The following GMDS variants were observed in gnomAD, a reference collection of about 807,000 sequenced individuals.
GMDS encodes the protein GDP-mannose 4,6 dehydratase.
A neutral mutation model predicts 49.9 loss-of-function variants in GMDS; 20 were observed. That is an observed-to-expected ratio of 0.40 (90% CI 0.28 to 0.58). GMDS has a LOEUF of 0.58. Among genes scored for constraint, GMDS ranks in the 20% least tolerant of loss-of-function variants. GMDS has a pLI of 0.42. For missense variants in GMDS, 362 were observed against 481.4 expected (o/e 0.75, Z 2.32); for synonymous variants, 177 against 178.6 (o/e 0.99, Z 0.07).
intron 7 of GMDS, among the ~76,000 whole-genome samples, chr6:1,826,214 T>G (rs1416304698): frequency 2.6e-5 from 4 of 152,114 alleles, no homozygotes; most frequent in Non-Finnish European, 4.4e-5. Context: ...ATAAGGTAAT[T>G]GTGCTATGAT....
chr6:1,972,053 G>C (rs1274032549), intron 4 of GMDS, among the ~76,000 whole-genome samples: 4 of 152,064 alleles, frequency 2.6e-5, no homozygotes, highest in Admixed American at 2.6e-4. Flanking sequence ...AAAATGTTGA[G>C]TTCTGCACCC....
At chr6:1,999,520 C>T (rs555970407) in intron 4 of GMDS, among the ~76,000 whole-genome samples, 1 of 151,738 alleles carries the variant, frequency 6.6e-6, no homozygotes, top group East Asian at 1.9e-4. Flanking sequence ...GATACAGTGG[C>T]ATGAAGATTT....
chr6:1,689,364 T>C (rs1765092778), intron 9 of GMDS, among the ~76,000 whole-genome samples: 1 of 152,212 alleles, frequency 6.6e-6, no homozygotes, highest in South Asian at 2.1e-4. Context: ...AAGCTTTCAC[T>C]AGCATTATAA....
At chr6:2,012,357 A>G (rs1767614825) in intron 4 of GMDS, among the ~76,000 whole-genome samples, 1 of 152,238 alleles carries the variant, frequency 6.6e-6, no homozygotes, top group Non-Finnish European at 1.5e-5. Flanking sequence ...AGATTTTCAC[A>G]CTAGATAAAA....
intron 1 of GMDS, among the ~76,000 whole-genome samples, chr6:2,149,572 G>A (rs1199147409): frequency 6.6e-6 from 1 of 152,178 alleles, no homozygotes; most frequent in Non-Finnish European, 1.5e-5. Flanking sequence ...AACACAGGCA[G>A]TAATGGAGCT....
intron 4 of GMDS, among the ~76,000 whole-genome samples, chr6:2,055,843 CTAT>C (rs1428469076): frequency 6.6e-6 from 1 of 152,070 alleles, no homozygotes; most frequent in African/African-American, 2.4e-5. Context: ...AAAATACCTA[CTAT>C]GATTCCTGTT....
At chr6:2,111,165 C>A (rs1167597560) in intron 4 of GMDS, among the ~76,000 whole-genome samples, 1 of 152,192 alleles carries the variant, frequency 6.6e-6, no homozygotes, top group Non-Finnish European at 1.5e-5. Context: ...AACAATTAAG[C>A]AACACTATTA....
rs769746695 is a variant in GMDS, at chr6:1,638,095, C to T, written c.988-13555G>A. Among the ~76,000 whole-genome samples, 11 of 152,168 alleles carry T rather than the reference C, an allele frequency of 7.2e-5. No individual in the cohort carries two copies. In the East Asian group the frequency reaches 1.3e-3, roughly 19 times the overall value. ...GTAAAGAAAGCATTTGCCAACAACA[C>T]GGACAGAAGAGAGAGAATGTGCTTC... is the stretch of plus-strand genomic sequence containing the variant. On this transcript the variant is annotated intron_variant, in intron 9 of 10. Transcript: ENST00000380815.
intron 4 of GMDS, among the ~76,000 whole-genome samples, chr6:2,014,113 TCC>T (rs11315361): frequency 0.019 from 2,271 of 118,614 alleles, 63 homozygotes; most frequent in African/African-American, 0.028. Flanking sequence ...AACAAAATTA[TCC>T]CCCCCCCCCA....
chr6:1,661,197 C>A (rs573964247), intron 9 of GMDS, among the ~76,000 whole-genome samples: 2 of 152,140 alleles, frequency 1.3e-5, no homozygotes, highest in Non-Finnish European at 2.9e-5. Flanking sequence ...CTCACTGATA[C>A]CTTTTTCAAT....
chr6:2,192,437 AAC>A (rs1461731110), intron 1 of GMDS, among the ~76,000 whole-genome samples: 2 of 152,242 alleles, frequency 1.3e-5, no homozygotes, highest in Non-Finnish European at 2.9e-5. Flanking sequence ...AAAGAGCTGT[AAC>A]ACACACAGGG....
At chr6:1,693,694 C>A (rs540927814) in intron 9 of GMDS, among the ~76,000 whole-genome samples, 3 of 152,276 alleles carry the variant, frequency 2.0e-5, no homozygotes, top group African/African-American at 7.2e-5. Context: ...TCACTCAATG[C>A]GGCCATCAAC....
At chr6:2,095,684 T>C (rs1456945899) in intron 4 of GMDS, among the ~76,000 whole-genome samples, 2 of 152,232 alleles carry the variant, frequency 1.3e-5, no homozygotes. Flanking sequence ...GAGCACTTTA[T>C]TTTTAATCTC....
In GMDS at chr6:1,778,637, T is replaced by C. The variant is rs1768940869; in HGVS notation, c.772-36051A>G. Among the ~76,000 whole-genome samples the C allele has an allele frequency of 6.6e-6, 1 of 152,204 alleles. No homozygotes were observed. The highest frequency in any genetic ancestry group is 2.4e-5 in the African/African-American group (1 of 41,452). On this transcript the variant is annotated intron_variant, in intron 7 of 10. Transcript: ENST00000380815. This position sits in a 1 kb window ranked among gnomAD's most constrained non-coding sequence, Gnocchi z 4.6. ...TAGTTAACGTGGCCCTCCATTAATT[T>C]TCACTATAACCTCTGAAGGCCTAGA...
In GMDS at chr6:1,908,413, A is replaced by T. The variant is rs942755229; in HGVS notation, c.771+21690T>A. Reference sequence around the variant, plus strand: ...TCTTATATTTTTCACTTAAAAGCTTAAACTAATGTTTCTCTGTCCCAAGTA... The same window carrying T: ...TCTTATATTTTTCACTTAAAAGCTTTAACTAATGTTTCTCTGTCCCAAGTA... On this transcript the variant is annotated intron_variant, in intron 7 of 10. Coordinates refer to ENST00000380815, the MANE Select transcript of GMDS (RefSeq NM_001500.4). Among the ~76,000 whole-genome samples the T allele has an allele frequency of 9.8e-5, 15 of 152,324 alleles. No homozygotes were observed. In the East Asian group the frequency reaches 2.7e-3, roughly 27 times the overall value.
At chr6:2,084,656 G>A (rs970070416) in intron 4 of GMDS, among the ~76,000 whole-genome samples, 9 of 152,052 alleles carry the variant, frequency 5.9e-5, no homozygotes, top group East Asian at 1.9e-4. Context: ...ACAGGCGCCC[G>A]CCACCACGCC....
At chr6:2,197,656 C>T (rs1157581776) in intron 1 of GMDS, among the ~76,000 whole-genome samples, 1 of 152,184 alleles carries the variant, frequency 6.6e-6, no homozygotes, top group Non-Finnish European at 1.5e-5. Context: ...GCATTTTCCT[C>T]CATGCAAATC....
rs1479994862 is a variant in GMDS at position 1,760,341 on chromosome 6, TG to T, written c.772-17756del. Among the ~76,000 whole-genome samples the T allele has an allele frequency of 5.9e-5, 9 of 152,208 alleles. No individual in the cohort carries two copies. In the East Asian group the frequency reaches 1.7e-3, roughly 29 times the overall value. The stretch of plus-strand genomic sequence containing the variant: ...AGTTGTGTATCAGCTCTGTATTCAG[TG>T]GTAAGAAGGGAGCTCCAGGGGGGAT... On this transcript the variant is annotated intron_variant, in intron 7 of 10. Transcript: ENST00000380815.
At chr6:2,118,943 G>C (rs1774994203) in intron 2 of GMDS, among the ~76,000 whole-genome samples, 1 of 152,014 alleles carries the variant, frequency 6.6e-6, no homozygotes, top group African/African-American at 2.4e-5. Flanking sequence ...TTGTAAAGTT[G>C]AACTGCTCTA....
Sources: allele counts gnomAD v4.1 joint callset (sites outside exome capture counted in the v4.1 genomes callset), GRCh38; gene constraint gnomAD v4.1.1; non-coding constraint Gnocchi (gnomAD v3.1); transcripts MANE v1.5; gene names NCBI Gene and HGNC (gene_info 2026-07-23, HGNC 2026-07-21).